Variants in REXO1 observed in about 807,000 individuals in gnomAD.
REXO1 encodes the protein RNA exonuclease 1 homolog.
In REXO1, 42 loss-of-function variants were observed where a neutral mutation model predicts 102.6. That is an observed-to-expected ratio of 0.41 (90% confidence interval 0.32 to 0.53). REXO1 has a LOEUF of 0.53. Ranked by LOEUF, REXO1 falls within the 20% of genes least tolerant of loss-of-function variation. The pLI is 0.27. For synonymous variants in REXO1, 908 were observed against 779.1 expected (o/e 1.17, Z -2.76); for missense variants, 1,819 against 1,732.5 (o/e 1.05, Z -0.89).
At position 1,816,036 on chromosome 19, in the gene REXO1, C is replaced by T; in HGVS notation, c.*30G>A. ...ATGGGGCTAAGGACCAGCGGGACGG[C>T]AGGAGAGGCGGGTGGGAGGCGGGCA... On this transcript the variant is annotated 3_prime_UTR_variant, in exon 16 of 16. Transcript: ENST00000170168. 1 of 1,541,252 alleles carries T rather than the reference C, an allele frequency of 6.5e-7. No homozygotes were observed. The highest frequency in any genetic ancestry group is 8.7e-7 in the Non-Finnish European group (1 of 1,147,262).
chr19:1,828,084 G>A lies in REXO1; in HGVS notation c.705C>T (p.Asp235=), dbSNP rs964138810. ...NSRPPTDLEY[D]PLSNYSARHL... ...GCCGGGCCGAGTAGTTGGAGAGAGG[G>A]TCATACTCCAGGTCTGTGGGTGGCC... Residue 235 remains aspartate, a synonymous_variant, in exon 2 of 16, where the codon GAC becomes GAT. Transcript: ENST00000170168. 1.2e-6 allele frequency: 2 copies of A among 1,613,232 alleles called. No homozygotes were observed. The highest frequency in any genetic ancestry group is 2.7e-5 in the African/African-American group (2 of 75,042).
chr19:1,830,734 G>A (rs1471046471), intron 1 of REXO1: 2 of 230,930 alleles, frequency 8.7e-6, no homozygotes, highest in South Asian at 3.6e-5. Flanking sequence ...TGGACAGGCC[G>A]AGATCTTGCA....
rs2070103725 is a variant in REXO1 at position 1,838,409 on chromosome 19, G to A, written c.158-9778C>T. On this transcript the variant is annotated intron_variant, in intron 1 of 15. Transcript: ENST00000170168. ...CGAAGCGGGCGGATCACCTGAGGTT[G>A]GGAGTTCGAGACCAGCCTGAGCAAC... 2.0e-5 allele frequency among the ~76,000 whole-genome samples: 3 copies of A among 150,858 alleles called. No homozygotes were observed. In the South Asian group the frequency reaches 6.4e-4, roughly 32 times the overall value.
At chr19:1,823,331 G>C (rs559721465) in intron 4 of REXO1, 6 of 393,590 alleles carry the variant, frequency 1.5e-5, no homozygotes, top group Non-Finnish European at 2.7e-5. Context: ...CCAGCAGGCT[G>C]TTGGACTCCT....
At chr19:1,836,541 T>A (rs2070041420) in intron 1 of REXO1, among the ~76,000 whole-genome samples, 1 of 150,144 alleles carries the variant, frequency 6.7e-6, no homozygotes, top group Non-Finnish European at 1.5e-5. Flanking sequence ...AGGTCAGGAG[T>A]TCGAGACCAG....
chr19:1,829,221 G>A (rs1296911550), intron 1 of REXO1, among the ~76,000 whole-genome samples: 1 of 152,206 alleles, frequency 6.6e-6, no homozygotes, highest in Non-Finnish European at 1.5e-5. Context: ...CCCAGTTGAT[G>A]GGCCACCCTG....
At chr19:1,833,680 G>C (rs1313393489) in intron 1 of REXO1, among the ~76,000 whole-genome samples, 1 of 152,190 alleles carries the variant, frequency 6.6e-6, no homozygotes, top group Non-Finnish European at 1.5e-5. Context: ...CACTGGGGGA[G>C]GCTCCGGCTC....
At position 1,826,738 on chromosome 19, in the gene REXO1, G is replaced by A. The variant is rs1366536184; in HGVS notation, c.1911+140C>T. The A allele has an allele frequency of 8.0e-6, 11 of 1,382,856 alleles. No individual in the cohort carries two copies. Among genetic ancestry groups the A allele is most frequent in the East Asian group, 5.2e-5 (2 of 38,110 alleles). 85.7% of individuals were successfully genotyped at this position (1,382,856 alleles called of 1,614,324 possible). A position where few individuals can be genotyped will look rare whatever the true frequency, so the allele number is the denominator to read the frequency against. The stretch of plus-strand genomic sequence containing the variant: ...GCTCCTGAGCTCCTGAGATTTCAAC[G>A]GGCTCAGGGACCAGCACTGAGGAGC... On this transcript the variant is annotated intron_variant, in intron 2 of 15. Coordinates refer to ENST00000170168, the MANE Select transcript of REXO1 (RefSeq NM_020695.4). This position sits in a 1 kb window ranked among gnomAD's most constrained non-coding sequence, Gnocchi z 4.3.
At position 1,821,641 on chromosome 19, in the gene REXO1, G is replaced by A; in HGVS notation, c.2272C>T (p.Gln758Ter). The A allele has an allele frequency of 6.2e-7, 1 of 1,613,272 alleles. No homozygotes were observed. The stretch of plus-strand genomic sequence containing the variant: ...CCTGGCTCAGGGCCGTTGGAGGACT[G>A]GCTGCCGCTGGCCGCAAGGGTCCTC... ...AKRTLAASGS[Q>*]SSNGPEPGGQ... is the part of the protein sequence containing the mutation. Residue 758 changes from glutamine (Q) to a stop codon, truncating the protein, a stop_gained, in exon 5 of 16, where the codon CAG becomes TAG. Transcript: ENST00000170168. LOFTEE classifies it high-confidence loss of function.
chr19:1,827,229 G>T lies in REXO1; in HGVS notation c.1560C>A (p.Asp520Glu), dbSNP rs1457393024. ...KLKKRALSHA[D>E]LFGDESEDEA... The stretch of plus-strand genomic sequence containing the variant: ...CGTCCTCACTCTCGTCCCCAAAGAG[G>T]TCGGCGTGGCTCAGGGCCCGCTTCT... Residue 520 changes from aspartate to glutamate, a missense_variant, in exon 2 of 16, where the codon GAC becomes GAA. Transcript: ENST00000170168. The T allele has an allele frequency of 1.3e-6, 2 of 1,546,168 alleles. No individual in the cohort carries two copies. The highest frequency in any genetic ancestry group is 1.7e-6 in the Non-Finnish European group (2 of 1,150,756).
intron 1 of REXO1, among the ~76,000 whole-genome samples, chr19:1,842,431 C>A (rs1217288146): frequency 6.6e-6 from 1 of 152,258 alleles, no homozygotes; most frequent in Non-Finnish European, 1.5e-5. Flanking sequence ...CAGACATCTC[C>A]TAACATTCCC....
In REXO1 at chr19:1,817,240, G is replaced by A. The variant is rs750451978; in HGVS notation, c.3180C>T (p.Ile1060=). 6 of 1,612,912 alleles carry A rather than the reference G, an allele frequency of 3.7e-6. No homozygotes were observed. In the African/African-American group the frequency reaches 4.0e-5, roughly 11 times the overall value. ...KELSGDTHPG[I]YALDCEMSYT... ...TCACCATCTCGCAGTCCAGGGCGTA[G>A]ATCCCCGGGTGGGTGTCTCCTGAGA... The change falls in exon 12 of 16, where the codon ATC becomes ATT. Residue 1060 remains isoleucine, a synonymous_variant. Coordinates refer to ENST00000170168, the MANE Select transcript of REXO1 (RefSeq NM_020695.4).
intron 3 of REXO1, chr19:1,824,199 C>CG (rs1428454884): frequency 6.0e-6 from 1 of 166,654 alleles, no homozygotes; most frequent in African/African-American, 2.4e-5. Flanking sequence ...TCCTGCACTA[C>CG]CTCGCCACGT....
chr19:1,848,424 G>A lies in REXO1; in HGVS notation c.-66C>T. On this transcript the variant is annotated 5_prime_UTR_variant, in exon 1 of 16. Transcript: ENST00000170168. ...GCCCCAGGGCCCCCTCACTGGCGCC[G>A]CGGTCGCCGCCGCCCGCGCCTCACG... 2.7e-6 allele frequency: 3 copies of A among 1,110,542 alleles called. No individual in the cohort carries two copies. 68.8% of individuals were successfully genotyped at this position (1,110,542 alleles called of 1,614,324 possible). A position where few individuals can be genotyped will look rare whatever the true frequency, so the allele number is the denominator to read the frequency against.
At chr19:1,836,500 C>T (rs1002073868) in intron 1 of REXO1, among the ~76,000 whole-genome samples, 1 of 151,828 alleles carries the variant, frequency 6.6e-6, no homozygotes, top group Admixed American at 6.6e-5. Context: ...AATCCCAGCA[C>T]TGTAGGAGGC....
chr19:1,833,566 G>A (rs1274194868), intron 1 of REXO1, among the ~76,000 whole-genome samples: 1 of 152,218 alleles, frequency 6.6e-6, no homozygotes, highest in African/African-American at 2.4e-5. Context: ...CCAGGAGGAT[G>A]CTCCCGGCAG....
chr19:1,819,181 C>G (rs1434930824), intron 7 of REXO1, 50 bp from the exon 8 acceptor site: 39 of 1,407,622 alleles, frequency 2.8e-5, no homozygotes, highest in Admixed American at 2.4e-4. Flanking sequence ...CTGGCTCAGA[C>G]CCCTGCCCCG....
Position 1,825,885 on chromosome 19 carries a change from G to C in REXO1, c.1970C>G (p.Pro657Arg), listed in dbSNP as rs553003856. 7 of 1,613,484 alleles carry C rather than the reference G, an allele frequency of 4.3e-6. No homozygotes were observed. Among genetic ancestry groups the C allele is most frequent in the Non-Finnish European group, 5.9e-6 (7 of 1,179,914 alleles). ...KGLSGLTTLF[P>R]GQKRRISHLS... The stretch of plus-strand genomic sequence containing the variant: ...GTGGGAGATCCTCCTCTTCTGCCCG[G>C]GGAACAGAGTGGTCAGACCCGAAAG... Residue 657 changes from proline (P) to arginine (R), a missense_variant, in exon 3 of 16, where the codon CCC becomes CGC. Transcript: ENST00000170168.
intron 14 of REXO1, 32 bp from the exon 15 acceptor site, chr19:1,816,377 G>T: frequency 6.3e-7 from 1 of 1,594,730 alleles, no homozygotes; most frequent in South Asian, 1.1e-5. Context: ...AGCGCACGTG[G>T]GGCCTGCGCA....
Sources: gnomAD v4.1 joint callset for allele counts (sites outside exome capture counted in the v4.1 genomes callset) on GRCh38, gnomAD v4.1.1 for gene constraint, Gnocchi (gnomAD v3.1) non-coding constraint, MANE v1.5 for transcripts, NCBI Gene and HGNC (gene_info 2026-07-23, HGNC 2026-07-21) for gene names.